Variants in SH2B2 observed in about 807,000 individuals in gnomAD.
SH2B2 encodes the protein SH2B adapter protein 2.
A neutral mutation model predicts 35.7 loss-of-function variants in SH2B2; 37 were observed. The observed-to-expected ratio is 1.04, with a 90% confidence interval of 0.80 to 1.36. The LOEUF (loss-of-function observed/expected upper bound fraction) is 1.36. SH2B2 is among the 40% of genes most tolerant of loss of function. The pLI is 0.00. For missense variants in SH2B2, 852 were observed against 817.7 expected (o/e 1.04, Z -0.51); for synonymous variants, 383 against 376.4 (o/e 1.02, Z -0.20).
At chr7:102,318,988 C>T (rs782444952) in intron 7 of SH2B2, among the ~76,000 whole-genome samples, 5 of 152,140 alleles carry the variant, frequency 3.3e-5, no homozygotes, top group Non-Finnish European at 7.4e-5. Flanking sequence ...TGGAACAAGA[C>T]CCAGCCTTGA....
chr7:102,297,063 G>T lies in SH2B2; in HGVS notation c.-29-3459G>T, dbSNP rs782320643. Reference sequence around the variant, plus strand: ...CTTCAGATACCCGTGGTCAACAGAGGTCTGAAAATATTAAATAGAAAATCC... The same window carrying T: ...CTTCAGATACCCGTGGTCAACAGAGTTCTGAAAATATTAAATAGAAAATCC... On this transcript the variant is annotated intron_variant, in intron 1 of 8. Transcript: ENST00000444095. This position sits in a 1 kb window ranked among gnomAD's most constrained non-coding sequence, Gnocchi z 4.3. Among the ~76,000 whole-genome samples the T allele has an allele frequency of 6.6e-6, 1 of 152,094 alleles. No homozygotes were observed. Among genetic ancestry groups the T allele is most frequent in the Non-Finnish European group, 1.5e-5 (1 of 68,026 alleles).
chr7:102,320,976 T>C (rs1244149115), intron 8 of SH2B2, among the ~76,000 whole-genome samples: 1 of 152,154 alleles, frequency 6.6e-6, no homozygotes, highest in African/African-American at 2.4e-5. Flanking sequence ...TGTGCGTGTG[T>C]GCGCATATGC....
At chr7:102,304,568 A>G (rs1470158890) in intron 2 of SH2B2, among the ~76,000 whole-genome samples, 1 of 152,234 alleles carries the variant, frequency 6.6e-6, no homozygotes, top group Non-Finnish European at 1.5e-5. Context: ...CTCTGTGGGC[A>G]AAGGCCTGGA....
At chr7:102,319,991 T>TC (rs1327846579) in intron 7 of SH2B2, among the ~76,000 whole-genome samples, 1 of 151,976 alleles carries the variant, frequency 6.6e-6, no homozygotes, top group Non-Finnish European at 1.5e-5. Flanking sequence ...GGCCAGTCAC[T>TC]CCCCCTCCCT....
chr7:102,294,074 A>C (rs1792808476), intron 1 of SH2B2, among the ~76,000 whole-genome samples: 1 of 152,230 alleles, frequency 6.6e-6, no homozygotes. Context: ...TCTGTTGCCC[A>C]GGCTGGAGTG....
chr7:102,298,426 GGTT>G (rs112807809), intron 1 of SH2B2, among the ~76,000 whole-genome samples: 2,413 of 152,130 alleles, frequency 0.016, 58 homozygotes, highest in African/African-American at 0.054. Flanking sequence ...CATCCAGATT[GGTT>G]GTTGTTGTTG....
At chr7:102,312,313 T>C (rs1275128990) in intron 4 of SH2B2, among the ~76,000 whole-genome samples, 1 of 152,014 alleles carries the variant, frequency 6.6e-6, no homozygotes, top group Non-Finnish European at 1.5e-5. Flanking sequence ...AGGCAGAGGT[T>C]GCAGTGAGCC....
At chr7:102,300,397 C>A in intron 1 of SH2B2, 125 bp from the exon 2 acceptor site, 1 of 1,192,336 alleles carries the variant, frequency 8.4e-7, no homozygotes, top group Non-Finnish European at 1.1e-6. Context: ...TCCCACAACA[C>A]ACACGTGTGC....
intron 4 of SH2B2, among the ~76,000 whole-genome samples, chr7:102,313,653 G>A (rs1044678943): frequency 1.3e-5 from 2 of 152,154 alleles, no homozygotes; most frequent in Admixed American, 6.6e-5. Flanking sequence ...AGTGGCTCAC[G>A]CCTGTAATCC....
rs1792947795 is a variant in SH2B2 at position 102,297,093 on chromosome 7, A to G, written c.-29-3429A>G. 6.6e-6 allele frequency among the ~76,000 whole-genome samples: 1 copy of G among 152,180 alleles called. No homozygotes were observed. The highest frequency in any genetic ancestry group is 2.1e-4 in the South Asian group (1 of 4,828). On this transcript the variant is annotated intron_variant, in intron 1 of 8. Coordinates refer to ENST00000444095, the MANE Select transcript of SH2B2 (RefSeq NM_001359228.2). The surrounding 1 kb of genome is among the most constrained non-coding windows in gnomAD (Gnocchi z 4.3). The stretch of plus-strand genomic sequence containing the variant: ...AAAATATTAAATAGAAAATCCCAGA[A>G]GTAAACATACAAATACAAATGTAAA...
intron 7 of SH2B2, among the ~76,000 whole-genome samples, chr7:102,319,219 T>G (rs1376321041): frequency 3.9e-5 from 6 of 152,150 alleles, no homozygotes; most frequent in African/African-American, 9.7e-5. Flanking sequence ...CCAACTTGCT[T>G]CTTCTCTCCC....
chr7:102,286,683 G>A (rs1423482841), upstream of SH2B2, among the ~76,000 whole-genome samples: 1 of 149,410 alleles, frequency 6.7e-6, no homozygotes, highest in Non-Finnish European at 1.5e-5. Context: ...GCTGCGGGGA[G>A]CCAGCAAGCA....
chr7:102,319,601 G>A (rs1038460022), intron 7 of SH2B2, among the ~76,000 whole-genome samples: 10 of 150,008 alleles, frequency 6.7e-5, no homozygotes, highest in South Asian at 4.2e-4. Context: ...GGGGCTATGC[G>A]TGTACCCTCA....
At chr7:102,288,584 TC>T (rs782227919) in intron 1 of SH2B2, among the ~76,000 whole-genome samples, 57 of 152,142 alleles carry the variant, frequency 3.7e-4, no homozygotes, top group Non-Finnish European at 7.2e-4. Flanking sequence ...AGCGTGAATC[TC>T]CTAGGGAGGA....
At chr7:102,313,967 C>T (rs900979085) in intron 4 of SH2B2, among the ~76,000 whole-genome samples, 32 of 151,954 alleles carry the variant, frequency 2.1e-4, no homozygotes, top group Non-Finnish European at 4.1e-4. Flanking sequence ...AAAAGGGGTT[C>T]TGGTTTCTGT....
chr7:102,307,775 T>G (rs1292921443), intron 3 of SH2B2, among the ~76,000 whole-genome samples: 7 of 151,690 alleles, frequency 4.6e-5, no homozygotes, highest in Non-Finnish European at 1.0e-4. Context: ...TTTGTTTTTT[T>G]TTTTTCTTTG....
chr7:102,301,302 C>G, intron 2 of SH2B2, 23 bp downstream of exon 2: 1 of 1,591,502 alleles, frequency 6.3e-7, no homozygotes, highest in Non-Finnish European at 8.5e-7. Context: ...ATAATCCCAC[C>G]TAGCCTGGGG....
intron 3 of SH2B2, among the ~76,000 whole-genome samples, chr7:102,307,147 C>T (rs559693708): frequency 2.0e-5 from 3 of 152,376 alleles, no homozygotes; most frequent in East Asian, 1.9e-4. Context: ...ACACCCACCT[C>T]GCTGGTGGCC....
chr7:102,285,409 C>T (rs181639120), upstream of SH2B2, among the ~76,000 whole-genome samples: 2 of 152,314 alleles, frequency 1.3e-5, no homozygotes, highest in East Asian at 1.9e-4. Context: ...CCCAACCAGG[C>T]GTGCAGGCCT....
Sources: gnomAD v4.1 joint callset for allele counts (sites outside exome capture counted in the v4.1 genomes callset) on GRCh38, gnomAD v4.1.1 for gene constraint, Gnocchi (gnomAD v3.1) non-coding constraint, MANE v1.5 for transcripts, NCBI Gene and HGNC (gene_info 2026-07-23, HGNC 2026-07-21) for gene names.